Variants in TMPRSS4 observed in about 807,000 individuals in gnomAD.
The protein encoded by TMPRSS4 is transmembrane serine protease 4.
In TMPRSS4, 45 loss-of-function variants were observed where a neutral mutation model predicts 56.4. The observed-to-expected ratio is 0.80, with a 90% CI of 0.63 to 1.02. The LOEUF is 1.02. Ranked by LOEUF, TMPRSS4 falls within the 50% of genes least tolerant of loss-of-function variation. The pLI, the probability that TMPRSS4 is intolerant of heterozygous loss-of-function variation, is 0.00. For synonymous variants in TMPRSS4, 205 were observed against 211.0 expected (o/e 0.97, Z 0.25); for missense variants, 546 against 556.7 (o/e 0.98, Z 0.19).
At chr11:118,113,627 A>C (rs111751239) in intron 9 of TMPRSS4, among the ~76,000 whole-genome samples, 192 bp downstream of exon 9, 4,744 of 151,450 alleles carry the variant, frequency 0.031, 251 homozygotes, top group African/African-American at 0.11. Context: ...TAACACCTCC[A>C]CTCCATTCCC....
Position 118,119,289 on chromosome 11 carries a change from AGCTGAACCAGG to A in TMPRSS4, c.*1380_*1390del. ...AACCTGGACACACTGAAGACAAGGG[AGCTGAACCAGG>A]GCTCCTACATGAAGCAGGGATAACT... is the stretch of plus-strand genomic sequence containing the variant. On this transcript the variant is annotated 3_prime_UTR_variant, in exon 13 of 13. Transcript: ENST00000437212. The A allele has an allele frequency of 2.0e-6, 2 of 985,446 alleles. No individual in the cohort carries two copies. The highest frequency in any genetic ancestry group is 9.4e-5 in the South Asian group (2 of 21,294). 61.0% of individuals were successfully genotyped at this position (985,446 alleles called of 1,614,324 possible).
intron 2 of TMPRSS4, among the ~76,000 whole-genome samples, chr11:118,096,216 T>C (rs571029450): frequency 6.6e-6 from 1 of 152,380 alleles, no homozygotes; most frequent in South Asian, 2.1e-4. Flanking sequence ...ACATTACTGA[T>C]AAGCTACTTT....
chr11:118,115,232 G>C lies in TMPRSS4; in HGVS notation c.1104G>C (p.Glu368Asp). The C allele has an allele frequency of 6.2e-7, 1 of 1,613,046 alleles. No homozygotes were observed. Among genetic ancestry groups the C allele is most frequent in the Non-Finnish European group, 8.5e-7 (1 of 1,179,928 alleles). Reference sequence around the variant, plus strand: ...ATGCGTACCAGGGGGAAGTCACCGAGAAGATGATGTGTGCAGGCATCCCGG... The same window carrying C: ...ATGCGTACCAGGGGGAAGTCACCGACAAGATGATGTGTGCAGGCATCCCGG... ...ADDAYQGEVT[E>D]KMMCAGIPEG... Residue 368 changes from glutamate (E) to aspartate (D), a missense_variant, in exon 11 of 13, where the codon GAG (glutamate) becomes GAC (aspartate). Physicochemically the swap from Glu to Asp is conservative, Grantham distance 45 (BLOSUM62 2). Coordinates refer to ENST00000437212, the MANE Select transcript of TMPRSS4 (RefSeq NM_019894.4).
intron 5 of TMPRSS4, chr11:118,107,396 C>A (rs539680650): frequency 5.0e-4 from 82 of 163,910 alleles, no homozygotes; most frequent in Non-Finnish European, 9.8e-4. Flanking sequence ...AACCTGAGCC[C>A]CTATGCCTCT....
chr11:118,096,555 G>C (rs1946299285), intron 2 of TMPRSS4, among the ~76,000 whole-genome samples: 1 of 152,112 alleles, frequency 6.6e-6, no homozygotes. Context: ...AGGCCAAGGT[G>C]GGGGTGGATC....
Position 118,111,309 on chromosome 11 carries a change from A to G in TMPRSS4, c.584-432A>G, listed in dbSNP as rs138365318. ...GGGGAAACAGACTTGGAGAAGGGGG[A>G]GTTTTGGATGAGACAGTCCACTTCC... is the stretch of plus-strand genomic sequence containing the variant. On this transcript the variant is annotated intron_variant, in intron 7 of 12. Transcript: ENST00000437212. Among the ~76,000 whole-genome samples the G allele has an allele frequency of 5.6e-3, 845 of 152,128 alleles. 4 individuals are homozygous for G. Among genetic ancestry groups the G allele is most frequent in the Non-Finnish European group, 9.2e-3 (627 of 67,980 alleles).
chr11:118,079,273 C>G (rs150502145), intron 1 of TMPRSS4, among the ~76,000 whole-genome samples: 155 of 152,264 alleles, frequency 1.0e-3, no homozygotes, highest in African/African-American at 3.6e-3. Context: ...AGGATGGGAT[C>G]TCCACACCCA....
intron 8 of TMPRSS4, 29 bp downstream of exon 8, chr11:118,111,929 G>A (rs1233151413): frequency 6.3e-7 from 1 of 1,592,938 alleles, no homozygotes. Context: ...GGAGGTCTCT[G>A]GGGACCAAGG....
chr11:118,092,008 T>C (rs1291329500), intron 1 of TMPRSS4, among the ~76,000 whole-genome samples: 1 of 152,124 alleles, frequency 6.6e-6, no homozygotes, highest in Admixed American at 6.5e-5. Context: ...ACTAGCCTGG[T>C]GCTAAACAGC....
At chr11:118,090,757 G>A (rs1215399393) in intron 1 of TMPRSS4, among the ~76,000 whole-genome samples, 3 of 151,768 alleles carry the variant, frequency 2.0e-5, no homozygotes, top group South Asian at 2.1e-4. Context: ...CAGCCTGGGC[G>A]ACAGAATGAG....
At chr11:118,080,368 G>A (rs565013159) in intron 1 of TMPRSS4, among the ~76,000 whole-genome samples, 2 of 152,166 alleles carry the variant, frequency 1.3e-5, no homozygotes, top group East Asian at 1.9e-4. Context: ...ACAGGCTCTC[G>A]CTGTGGCTGG....
chr11:118,079,553 G>A (rs1402371441), intron 1 of TMPRSS4, among the ~76,000 whole-genome samples: 1 of 152,188 alleles, frequency 6.6e-6, no homozygotes, highest in Admixed American at 6.5e-5. Context: ...CCCTGGGACT[G>A]GTTATCCTGG....
At chr11:118,125,231 T>C, downstream of TMPRSS4, 1 of 456,228 alleles carries the variant, frequency 2.2e-6, no homozygotes, top group Non-Finnish European at 4.4e-6. Flanking sequence ...GGGTAAATGT[T>C]GAATAATGGA....
At chr11:118,083,461 G>A (rs1565409059) in intron 1 of TMPRSS4, among the ~76,000 whole-genome samples, 2 of 152,066 alleles carry the variant, frequency 1.3e-5, no homozygotes, top group Non-Finnish European at 2.9e-5. Flanking sequence ...CCAAGCCCCG[G>A]GGCCCATGAA....
In TMPRSS4 at chr11:118,083,311, C is replaced by T. The variant is rs190999325; in HGVS notation, c.3+6006C>T. ...CACACTTGAAGCTTTCATGCTTCCACTGGTCCTTGCTTCTCTGAACTGCGT... is the reference window on the plus strand; with the variant it reads ...CACACTTGAAGCTTTCATGCTTCCATTGGTCCTTGCTTCTCTGAACTGCGT... On this transcript the variant is annotated intron_variant, in intron 1 of 12. Coordinates refer to ENST00000437212, the MANE Select transcript of TMPRSS4 (RefSeq NM_019894.4). 7.7e-3 allele frequency among the ~76,000 whole-genome samples: 1,167 copies of T among 152,352 alleles called. 19 individuals are homozygous for T. The highest frequency in any genetic ancestry group is 7.8e-3 in the Non-Finnish European group (533 of 68,040).
chr11:118,087,524 T>G (rs1457448693), intron 1 of TMPRSS4: 2 of 152,094 alleles, frequency 1.3e-5, no homozygotes, highest in East Asian at 3.9e-4. Flanking sequence ...CATTGAGGAG[T>G]GTGCCCAAAG....
At chr11:118,112,635 T>C (rs917717929) in intron 8 of TMPRSS4, among the ~76,000 whole-genome samples, 1 of 151,930 alleles carries the variant, frequency 6.6e-6, no homozygotes, top group Non-Finnish European at 1.5e-5. Context: ...TCAAGTGATC[T>C]GCCCACCTCA....
chr11:118,091,855 C>T (rs557833250), intron 1 of TMPRSS4, among the ~76,000 whole-genome samples: 3 of 152,148 alleles, frequency 2.0e-5, no homozygotes, highest in Admixed American at 6.5e-5. Flanking sequence ...CAGAGTCGTC[C>T]GATTGGGTCT....
At chr11:118,111,981 C>A (rs1194035410) in intron 8 of TMPRSS4, 81 bp downstream of exon 8, 1 of 1,537,846 alleles carries the variant, frequency 6.5e-7, no homozygotes, top group East Asian at 2.5e-5. Flanking sequence ...TCTCCTGGCA[C>A]CGTCCTTCTC....
Sources: allele counts gnomAD v4.1 joint callset (sites outside exome capture counted in the v4.1 genomes callset), GRCh38; gene constraint gnomAD v4.1.1; transcripts MANE v1.5; gene names NCBI Gene and HGNC (gene_info 2026-07-23, HGNC 2026-07-21).